Variants in ACBD3 observed in about 807,000 individuals in gnomAD.
ACBD3 encodes acyl-CoA binding domain containing 3.
ACBD3 carries 30 observed loss-of-function variants against 66.9 expected under a neutral mutation model. The observed-to-expected ratio is 0.45, with a 90% confidence interval of 0.34 to 0.61. ACBD3 has a LOEUF of 0.61. Among genes scored for constraint, ACBD3 ranks in the 20% least tolerant of loss-of-function variants. ACBD3 has a pLI of 0.02. For synonymous variants in ACBD3, 278 were observed against 259.8 expected, an observed-to-expected ratio of 1.07 and a Z score of -0.68; for missense variants, 544 against 664.5, an observed-to-expected ratio of 0.82 and a Z score of 1.99.
Position 226,159,286 on chromosome 1 carries a change from T to A in ACBD3, c.801A>T (p.Pro267=). Residue 267 remains proline (P), a synonymous_variant, in exon 5 of 8, where the codon CCA becomes CCT. Coordinates refer to ENST00000366812, the MANE Select transcript of ACBD3 (RefSeq NM_022735.4). ...GAATTTGCTGCTGTTCGTAGTTCCC[T>A]GGATACTGTTGGGCTGCATACTGCT... The part of the protein sequence containing the change: ...QFQQYAAQQY[P]GNYEQQQILI... 2 of 1,614,204 alleles carry A rather than the reference T, an allele frequency of 1.2e-6. No individual in the cohort carries two copies. The highest frequency in any genetic ancestry group is 8.5e-7 in the Non-Finnish European group (1 of 1,180,018).
chr1:226,160,124 C>T (rs1659744553), intron 4 of ACBD3, among the ~76,000 whole-genome samples: 1 of 148,772 alleles, frequency 6.7e-6, no homozygotes, highest in Non-Finnish European at 1.5e-5. Flanking sequence ...CGGAGTTTCA[C>T]TCTGTCACCC....
At position 226,148,504 on chromosome 1, in the gene ACBD3, G is replaced by A. The variant is rs1659499968; in HGVS notation, c.1376-1683C>T. On this transcript the variant is annotated intron_variant, in intron 7 of 7. Transcript: ENST00000366812. ...AGAACCATCCAAAATGTACACTATT[G>A]TTGACATCCAAGAAATAGACTGGTC... is the stretch of plus-strand genomic sequence containing the variant. Among the ~76,000 whole-genome samples the A allele has an allele frequency of 2.0e-5, 3 of 152,182 alleles. No homozygotes were observed. The South Asian group carries it at 6.2e-4, about 32-fold the overall frequency.
intron 1 of ACBD3, among the ~76,000 whole-genome samples, chr1:226,167,376 T>C (rs1238309563): frequency 6.6e-6 from 1 of 152,144 alleles, no homozygotes; most frequent in African/African-American, 2.4e-5. Context: ...AAAGAAAGGG[T>C]TACCCTTCAG....
chr1:226,171,060 G>A lies in ACBD3; in HGVS notation c.287-5060C>T, dbSNP rs74746541. Among the ~76,000 whole-genome samples, 2,107 of 152,064 alleles carry A rather than the reference G, an allele frequency of 0.014. 117 individuals carry two copies. The East Asian group carries it at 0.19, about 14-fold the overall frequency. Reference sequence around the variant, plus strand: ...TCCAAAGTGCTGGGATTATAGACACGAGCCACCATGCCTGGCCAACTTGTC... The same window carrying A: ...TCCAAAGTGCTGGGATTATAGACACAAGCCACCATGCCTGGCCAACTTGTC... On this transcript the variant is annotated intron_variant, in intron 1 of 7. Coordinates refer to ENST00000366812, the MANE Select transcript of ACBD3 (RefSeq NM_022735.4).
At chr1:226,182,556 G>A (rs1178923614) in intron 1 of ACBD3, among the ~76,000 whole-genome samples, 1 of 152,172 alleles carries the variant, frequency 6.6e-6, no homozygotes, top group Non-Finnish European at 1.5e-5. Flanking sequence ...AGAGGTTGCA[G>A]GGAGTGGAGA....
intron 1 of ACBD3, among the ~76,000 whole-genome samples, chr1:226,173,899 T>A (rs778786766): frequency 1.3e-5 from 2 of 151,726 alleles, no homozygotes; most frequent in African/African-American, 2.4e-5. Context: ...TAGCTGGGAT[T>A]ACAGAAGTGT....
At chr1:226,157,025 A>C (rs1397435053) in intron 5 of ACBD3, among the ~76,000 whole-genome samples, 1 of 152,126 alleles carries the variant, frequency 6.6e-6, no homozygotes, top group Non-Finnish European at 1.5e-5. Flanking sequence ...AAGTTTAAAA[A>C]AGCACAGAAA....
chr1:226,169,144 T>C (rs1659934076), intron 1 of ACBD3, among the ~76,000 whole-genome samples: 1 of 152,190 alleles, frequency 6.6e-6, no homozygotes, highest in South Asian at 2.1e-4. Flanking sequence ...ATTACAGGCG[T>C]GAGCCACTGT....
In ACBD3 at chr1:226,152,338, C is replaced by T. The variant is rs1057190444; in HGVS notation, c.1372G>A (p.Glu458Lys). 1.2e-6 allele frequency: 2 copies of T among 1,613,864 alleles called. No individual in the cohort carries two copies. The highest frequency in any genetic ancestry group is 1.7e-6 in the Non-Finnish European group (2 of 1,179,916). The change falls in exon 7 of 8, where the codon GAA (glutamate) becomes AAA (lysine). Residue 458 changes from glutamate to lysine, a missense_variant. Physicochemically the swap from Glu to Lys is moderately conservative, Grantham distance 56. Around this residue, in one of 3 missense-constraint regions of ACBD3, gnomAD observed 383 missense variants for 462.4 expected, o/e 0.83. Transcript: ENST00000366812. ...GAATATGGACCAAGGGTTCTACCTT[C>T]TTCCTCCTCGTCGTCATCGCTGGAC... ...SESSDDDEEEEENIGCEEKAK... is the reference protein window; with the variant it reads ...SESSDDDEEEKENIGCEEKAK...
chr1:226,173,263 C>T (rs542377650), intron 1 of ACBD3, among the ~76,000 whole-genome samples: 10 of 152,000 alleles, frequency 6.6e-5, no homozygotes, highest in African/African-American at 2.4e-4. Context: ...AGAGTGAGAC[C>T]CTGTCTCAAA....
chr1:226,165,177 CTTTTT>C (rs201749556), intron 2 of ACBD3, among the ~76,000 whole-genome samples: 1 of 146,244 alleles, frequency 6.8e-6, no homozygotes, highest in Non-Finnish European at 1.5e-5. Context: ...TTTCTTTTTT[CTTTTT>C]TTTTTTGAGA....
chr1:226,158,176 A>C (rs1659709828), intron 5 of ACBD3, among the ~76,000 whole-genome samples: 1 of 152,242 alleles, frequency 6.6e-6, no homozygotes, highest in South Asian at 2.1e-4. Flanking sequence ...TTGTTTAGTA[A>C]GAATACACAT....
At chr1:226,185,438 G>A (rs1656275485) in intron 1 of ACBD3, among the ~76,000 whole-genome samples, 1 of 152,122 alleles carries the variant, frequency 6.6e-6, no homozygotes, top group Admixed American at 6.5e-5. Flanking sequence ...TGCTGCTCTG[G>A]AATGTACGTG....
intron 5 of ACBD3, among the ~76,000 whole-genome samples, chr1:226,157,242 ATTT>A (rs34096327): frequency 6.9e-6 from 1 of 145,664 alleles, no homozygotes; most frequent in Admixed American, 6.8e-5. Context: ...TCAATTATGG[ATTT>A]TTTTTTTTTT....
Position 226,164,764 on chromosome 1 carries a change from AG to A in ACBD3, c.569+24del, listed in dbSNP as rs752863311. 16 of 1,602,258 alleles carry A rather than the reference AG, an allele frequency of 1.0e-5. No homozygotes were observed. In the South Asian group the frequency reaches 1.6e-4, roughly 16 times the overall value. On this transcript the variant is annotated intron_variant, in intron 3 of 7. Coordinates refer to ENST00000366812, the MANE Select transcript of ACBD3 (RefSeq NM_022735.4). ...AGTACACTGGGCTGCGCAGCAATAA[AG>A]TATTCCATGCCCTCAAACTTCACCT...
At chr1:226,158,489 G>A (rs1273327984) in intron 5 of ACBD3, among the ~76,000 whole-genome samples, 1 of 152,178 alleles carries the variant, frequency 6.6e-6, no homozygotes, top group African/African-American at 2.4e-5. Flanking sequence ...TAACAGGACA[G>A]GTGCTTTGAT....
intron 1 of ACBD3, among the ~76,000 whole-genome samples, chr1:226,172,484 T>TC (rs1187431474): frequency 6.6e-6 from 1 of 152,170 alleles, no homozygotes; most frequent in African/African-American, 2.4e-5. Context: ...GACAGGAAGA[T>TC]CATTTGAATC....
At chr1:226,182,021 A>C (rs1656181052) in intron 1 of ACBD3, among the ~76,000 whole-genome samples, 1 of 152,100 alleles carries the variant, frequency 6.6e-6, no homozygotes, top group African/African-American at 2.4e-5. Context: ...GCTTGAGCTC[A>C]GGAGCTAAAG....
chr1:226,170,484 T>A (rs189169278), intron 1 of ACBD3, among the ~76,000 whole-genome samples: 139 of 152,054 alleles, frequency 9.1e-4, no homozygotes, highest in African/African-American at 3.1e-3. Context: ...TTTCTTTTTT[T>A]AAGAATAAAC....
Sources: allele counts gnomAD v4.1 joint callset (sites outside exome capture counted in the v4.1 genomes callset), GRCh38; gene constraint gnomAD v4.1.1; regional missense constraint gnomAD v4.1.1; transcripts MANE v1.5; gene names NCBI Gene and HGNC (gene_info 2026-07-23, HGNC 2026-07-21).